The following PGM3 variants were observed in gnomAD, a reference collection of about 807,000 sequenced individuals.
The protein encoded by PGM3 is phosphoglucomutase 3.
PGM3 carries 40 observed loss-of-function variants against 66.2 expected under a neutral mutation model. The observed-to-expected ratio is 0.60, with a 90% CI of 0.47 to 0.79. The LOEUF is 0.79. Ranked by LOEUF, PGM3 falls within the 30% of genes least tolerant of loss-of-function variation. The pLI, the probability that PGM3 is intolerant of heterozygous loss-of-function variation, is 0.00. For synonymous variants in PGM3, 191 were observed against 224.2 expected, an observed-to-expected ratio of 0.85 and a Z score of 1.32; for missense variants, 537 against 643.4, an observed-to-expected ratio of 0.83 and a Z score of 1.79.
chr6:83,171,942 C>CT lies in PGM3; in HGVS notation c.1359dup (p.Val454SerfsTer10). On this transcript the variant is annotated frameshift_variant, in exon 11 of 13. Transcript: ENST00000513973. LOFTEE classifies it high-confidence loss of function. The stretch of plus-strand genomic sequence containing the variant: ...CTTTAAAGTTTCTCTCACACCTGAA[C>CT]TTTAAGTTGTCTGTTTGGAAGATCT... 1 of 1,612,830 alleles carries CT rather than the reference C, an allele frequency of 6.2e-7. No individual in the cohort carries two copies. The highest frequency in any genetic ancestry group is 8.5e-7 in the Non-Finnish European group (1 of 1,179,120).
At position 83,169,078 on chromosome 6, in the gene PGM3, T is replaced by C; in HGVS notation, c.*156A>G. 7.0e-7 allele frequency: 1 copy of C among 1,432,178 alleles called. No individual in the cohort carries two copies. The highest frequency in any genetic ancestry group is 9.1e-7 in the Non-Finnish European group (1 of 1,097,540). The allele number at this position is 1,432,178 out of a possible 1,614,324, so 88.7% of individuals were successfully genotyped here. A position where few individuals can be genotyped will look rare whatever the true frequency, so the allele number is the denominator to read the frequency against. On this transcript the variant is annotated 3_prime_UTR_variant, in exon 13 of 13. Coordinates refer to ENST00000513973, the MANE Select transcript of PGM3 (RefSeq NM_015599.3). ...TAAGGCTTACCTATTTATAAAGAAT[T>C]ATTCTGTTAGTGTTTAAGAAAAACA...
At chr6:83,149,601 G>C in the PGM3 span, among the ~76,000 whole-genome samples, 1 of 152,248 alleles carries the variant, frequency 6.6e-6, no homozygotes, top group Non-Finnish European at 1.5e-5. Flanking sequence ...TAAAGAATGT[G>C]GTCTTGAAAG....
At chr6:83,188,488 A>T (rs894393133) in intron 3 of PGM3, 126 bp downstream of exon 3, 2 of 704,576 alleles carry the variant, frequency 2.8e-6, no homozygotes, top group Non-Finnish European at 2.4e-6. Flanking sequence ...AAGGCCAGGC[A>T]GGTAGACATG....
intron 12 of PGM3, 63 bp downstream of exon 12, chr6:83,170,242 A>C (rs1352327415): frequency 6.8e-7 from 1 of 1,461,944 alleles, no homozygotes; most frequent in Non-Finnish European, 9.5e-7. Flanking sequence ...AAAACCATTA[A>C]AATAGTTTGC....
chr6:83,164,206 TGAA>T (rs1036062560), downstream of PGM3, among the ~76,000 whole-genome samples: 3 of 150,728 alleles, frequency 2.0e-5, no homozygotes, highest in African/African-American at 7.3e-5. Context: ...AAAAATGGAA[TGAA>T]GAAAGTGATT....
At chr6:83,158,766 G>T, downstream of PGM3, 1 of 663,690 alleles carries the variant, frequency 1.5e-6, no homozygotes, top group Non-Finnish European at 2.5e-6. Context: ...ATATAATGTA[G>T]TTTTACTTAT....
chr6:83,173,505 A>ATAAC (rs1054522743), intron 10 of PGM3, among the ~76,000 whole-genome samples: 1 of 151,994 alleles, frequency 6.6e-6, no homozygotes, highest in African/African-American at 2.4e-5. Context: ...GGTATAAGAT[A>ATAAC]TAACTGAAGA....
In PGM3 at chr6:83,167,969, C is replaced by T; in HGVS notation, c.*1265G>A. ...GTATGGAGCAGCTCCTGCCGTTCTT[C>T]AATGTGCTCAGTCAAGTCTTCAACA... On this transcript the variant is annotated 3_prime_UTR_variant, in exon 13 of 13. Coordinates refer to ENST00000513973, the MANE Select transcript of PGM3 (RefSeq NM_015599.3). 1 of 1,614,178 alleles carries T rather than the reference C, an allele frequency of 6.2e-7. No individual in the cohort carries two copies. The highest frequency in any genetic ancestry group is 1.3e-5 in the African/African-American group (1 of 75,054).
At position 83,167,729 on chromosome 6, in the gene PGM3, G is replaced by A. The variant is rs913419179; in HGVS notation, c.*1505C>T. Reference sequence around the variant, plus strand: ...TCAGAAGCACCAAGGGTTTTGATCAGGTCAGGAGTTAGAAACTTAATGTCA... The same window carrying A: ...TCAGAAGCACCAAGGGTTTTGATCAAGTCAGGAGTTAGAAACTTAATGTCA... On this transcript the variant is annotated 3_prime_UTR_variant, in exon 13 of 13. Coordinates refer to ENST00000513973, the MANE Select transcript of PGM3 (RefSeq NM_015599.3). 84 of 1,443,758 alleles carry A rather than the reference G, an allele frequency of 5.8e-5. No individual in the cohort carries two copies. Among genetic ancestry groups the A allele is most frequent in the Non-Finnish European group, 6.1e-5 (67 of 1,100,712 alleles). 89.4% of individuals were successfully genotyped at this position (1,443,758 alleles called of 1,614,324 possible). A position where few individuals can be genotyped will look rare whatever the true frequency, so the allele number is the denominator to read the frequency against.
In PGM3 at chr6:83,191,259, C is replaced by T. The variant is rs1047004347; in HGVS notation, c.-2-245G>A. On this transcript the variant is annotated intron_variant, in intron 1 of 12. Coordinates refer to ENST00000513973, the MANE Select transcript of PGM3 (RefSeq NM_015599.3). Reference sequence around the variant, plus strand: ...GGGCAGATAGCAGATTGTCCCCACTCTCCTCCCATTTTAGCTCCAGGACTA... The same window carrying T: ...GGGCAGATAGCAGATTGTCCCCACTTTCCTCCCATTTTAGCTCCAGGACTA... The T allele has an allele frequency of 7.8e-6, 12 of 1,534,730 alleles. No individual in the cohort carries two copies. In the African/African-American group the frequency reaches 1.6e-4, roughly 21 times the overall value.
At chr6:83,182,791 CCATGTTACTTTATT>C (rs1488354654) in intron 5 of PGM3, 40 bp downstream of exon 5, 2 of 1,499,554 alleles carry the variant, frequency 1.3e-6, no homozygotes, top group Non-Finnish European at 1.9e-6. Context: ...GTTCAGTAGA[CCATGTTACTTTATT>C]CATTTGTTTA....
At chr6:83,151,613 T>C in the PGM3 span, 1 of 1,608,468 alleles carries the variant, frequency 6.2e-7, no homozygotes, top group Non-Finnish European at 8.5e-7. Context: ...GAGTTTATTA[T>C]GAAAAACCCT....
At position 83,166,415 on chromosome 6, in the gene PGM3, C is replaced by A; in HGVS notation, c.*2819G>T. 2.8e-6 allele frequency: 2 copies of A among 702,100 alleles called. No individual in the cohort carries two copies. The highest frequency in any genetic ancestry group is 5.2e-6 in the Non-Finnish European group (2 of 384,780). The allele number at this position is 702,100 out of a possible 1,614,324, so 43.5% of individuals were successfully genotyped here. A position where few individuals can be genotyped will look rare whatever the true frequency, so the allele number is the denominator to read the frequency against. On this transcript the variant is annotated 3_prime_UTR_variant, in exon 13 of 13. Transcript: ENST00000513973. Reference sequence around the variant, plus strand: ...CGGCACTGTATGTTCATTAGCAGTTCCTGGGCCAAATGCATTGTTGATGTT... The same window carrying A: ...CGGCACTGTATGTTCATTAGCAGTTACTGGGCCAAATGCATTGTTGATGTT...
intron 1 of PGM3, among the ~76,000 whole-genome samples, chr6:83,192,016 C>T (rs1265308820): frequency 2.0e-5 from 3 of 149,068 alleles, no homozygotes; most frequent in Non-Finnish European, 3.0e-5. Context: ...CCTGTAATCC[C>T]GGCATTTTGG....
rs1365852759 is a variant in PGM3 at position 83,170,325 on chromosome 6, A to T, written c.1519T>A (p.Tyr507Asn). 2 of 1,614,054 alleles carry T rather than the reference A, an allele frequency of 1.2e-6. No individual in the cohort carries two copies. The highest frequency in any genetic ancestry group is 1.7e-6 in the Non-Finnish European group (2 of 1,180,018). The stretch of plus-strand genomic sequence containing the variant: ...CTTACTTGTGAGTCTGCTTCTGCAT[A>T]TACTCGGACGACATCTTCTGTACCA... Reference protein sequence around the residue: ...PSGTEDVVRVYAEADSQESAD... With the variant: ...PSGTEDVVRVNAEADSQESAD... Residue 507 changes from tyrosine (Y) to asparagine (N), a missense_variant, in exon 12 of 13, where the codon TAT becomes AAT. Physicochemically the swap from Tyr to Asn is moderately radical, Grantham distance 143 (BLOSUM62 -2). Transcript: ENST00000513973.
chr6:83,175,191 T>C (rs974066526), intron 9 of PGM3, among the ~76,000 whole-genome samples: 1 of 152,196 alleles, frequency 6.6e-6, no homozygotes, highest in Admixed American at 6.5e-5. Flanking sequence ...TCATTTAAGC[T>C]AGATCAGCAG....
At chr6:83,180,051 C>T in intron 6 of PGM3, 84 bp from the exon 7 acceptor site, 11 of 1,040,230 alleles carry the variant, frequency 1.1e-5, no homozygotes, top group Non-Finnish European at 1.5e-5. Context: ...AAATTATCCA[C>T]CTAAAAATCA....
chr6:83,184,527 A>C (rs1005681691), intron 4 of PGM3, among the ~76,000 whole-genome samples: 4 of 152,214 alleles, frequency 2.6e-5, no homozygotes, highest in Non-Finnish European at 4.4e-5. Flanking sequence ...AAACAAAATA[A>C]TTTTGTGACC....
downstream of PGM3, chr6:83,164,751 G>A (rs1785050465): frequency 6.4e-7 from 1 of 1,555,438 alleles, no homozygotes; most frequent in Non-Finnish European, 8.7e-7. Context: ...TTATGATATG[G>A]CAGCAAAAGT....
Sources: gnomAD v4.1 joint callset for allele counts (sites outside exome capture counted in the v4.1 genomes callset) on GRCh38, gnomAD v4.1.1 for gene constraint, MANE v1.5 for transcripts, NCBI Gene and HGNC (gene_info 2026-07-23, HGNC 2026-07-21) for gene names.